PHGDH: variants seen among roughly 807,000 people sequenced by gnomAD.
PHGDH encodes D-3-phosphoglycerate dehydrogenase.
A neutral mutation model predicts 52.6 loss-of-function variants in PHGDH; 50 were observed. The observed-to-expected ratio is 0.95, with a 90% CI of 0.76 to 1.20. The LOEUF (loss-of-function observed/expected upper bound fraction) is 1.20, where lower values mean the gene tolerates loss of function less well. Ranked by LOEUF, PHGDH falls within the 50% of genes most tolerant of loss-of-function variation. PHGDH has a pLI of 0.00. For synonymous variants in PHGDH, 271 were observed against 280.5 expected, an observed-to-expected ratio of 0.97 and a Z score of 0.34; for missense variants, 630 against 684.6, an observed-to-expected ratio of 0.92 and a Z score of 0.89.
intron 11 of PHGDH, 143 bp downstream of exon 11, chr1:119,743,187 C>T (rs2101226486): frequency 2.7e-6 from 2 of 736,222 alleles, no homozygotes; most frequent in South Asian, 1.5e-5. Flanking sequence ...GGGTCTGATG[C>T]CAGTTTTCAG....
In PHGDH at chr1:119,743,899, G is replaced by A. The variant is rs1005068896; in HGVS notation, c.1461G>A (p.Glu487=). The A allele has an allele frequency of 1.5e-5, 24 of 1,613,842 alleles. No individual in the cohort carries two copies. The highest frequency in any genetic ancestry group is 6.7e-5 in the Admixed American group (4 of 60,014). ...TTCTATTTCCAGGCCTCCTGGCAGA[G>A]GCAGGCGTGCGGCTGCTGTCCTACC... is the stretch of plus-strand genomic sequence containing the variant. The part of the protein sequence containing the change: ...MLPTMIGLLA[E]AGVRLLSYQT... The change falls in exon 12 of 12, where the codon GAG becomes GAA. Residue 487 remains glutamate (E), a synonymous_variant. Coordinates refer to ENST00000641023, the MANE Select transcript of PHGDH (RefSeq NM_006623.4).
At chr1:119,735,051 T>C in intron 6 of PHGDH, 11 of 633,670 alleles carry the variant, frequency 1.7e-5, no homozygotes, top group Non-Finnish European at 2.8e-5. Context: ...CAGACCCACT[T>C]GAAACAGTAA....
intron 1 of PHGDH, chr1:119,712,586 G>T: frequency 4.2e-6 from 1 of 235,538 alleles, no homozygotes; most frequent in East Asian, 1.2e-4. Flanking sequence ...CCCCAAAGTG[G>T]CTTCTTTGCG....
intron 2 of PHGDH, among the ~76,000 whole-genome samples, chr1:119,722,888 G>A (rs773461350): frequency 6.4e-5 from 9 of 140,882 alleles, no homozygotes; most frequent in East Asian, 2.0e-4. Flanking sequence ...GTGACAGAGC[G>A]AGGCCTTGTC....
chr1:119,717,372 A>T (rs1650981705), intron 1 of PHGDH, among the ~76,000 whole-genome samples: 1 of 150,070 alleles, frequency 6.7e-6, no homozygotes, highest in Non-Finnish European at 1.5e-5. Flanking sequence ...TGTTTATGGG[A>T]TCTTTTTCCA....
intron 5 of PHGDH, chr1:119,734,293 C>T (rs1651833926): frequency 2.7e-6 from 1 of 367,224 alleles, no homozygotes; most frequent in African/African-American, 2.1e-5. Context: ...TGTGTGTGAT[C>T]ACAGCATGGA....
At chr1:119,729,743 C>T (rs1203901744) in intron 5 of PHGDH, 1 of 152,178 alleles carries the variant, frequency 6.6e-6, no homozygotes, top group East Asian at 1.9e-4. Context: ...ATGGCTGACA[C>T]CTCTCGTGCA....
intron 6 of PHGDH, 193 bp from the exon 7 acceptor site, chr1:119,735,102 C>A: frequency 1.3e-6 from 1 of 744,072 alleles, no homozygotes; most frequent in Non-Finnish European, 2.3e-6. Context: ...CTGAGTCTGG[C>A]CCAGATCCAT....
intron 3 of PHGDH, among the ~76,000 whole-genome samples, chr1:119,726,179 AGTGTGTGTGTGTGTGTGTGTGTGTGTGT>A (rs55671458): frequency 1.5e-5 from 2 of 131,172 alleles, no homozygotes; most frequent in African/African-American, 5.9e-5. Context: ...GGCTGTGAAG[AGTGTGTGTGTGTGTGTGTGTGTGTGTGT>A]GTGTGTGTGT....
At chr1:119,723,523 A>G (rs1651268140) in intron 3 of PHGDH, 82 bp downstream of exon 3, 1 of 1,100,576 alleles carries the variant, frequency 9.1e-7, no homozygotes, top group Non-Finnish European at 1.4e-6. Context: ...ACCCAGAAAA[A>G]CTTAGAAACA....
chr1:119,730,621 A>T (rs1411196938), intron 5 of PHGDH, among the ~76,000 whole-genome samples: 1 of 152,228 alleles, frequency 6.6e-6, no homozygotes, highest in African/African-American at 2.4e-5. Context: ...ATTTTTAAAC[A>T]GTTGTGTGGA....
chr1:119,740,861 C>G (rs1301768610), intron 9 of PHGDH, among the ~76,000 whole-genome samples: 2 of 152,126 alleles, frequency 1.3e-5, no homozygotes, highest in Admixed American at 6.5e-5. Context: ...CAACAGGATG[C>G]TGGATTCTGG....
intron 6 of PHGDH, 61 bp downstream of exon 6, chr1:119,734,827 C>T (rs1173052294): frequency 1.9e-6 from 3 of 1,573,618 alleles, no homozygotes; most frequent in African/African-American, 1.3e-5. Context: ...AACAAATGGG[C>T]CCTCCATCTG....
At chr1:119,727,201 G>A in intron 5 of PHGDH, 99 bp downstream of exon 5, 1 of 772,712 alleles carries the variant, frequency 1.3e-6, no homozygotes. Flanking sequence ...TTCTAGGAGG[G>A]TCTGACCCTC....
Position 119,721,254 on chromosome 1 carries a change from A to C in PHGDH, c.223A>C (p.Arg75=), listed in dbSNP as rs1177622207. 1 of 1,614,194 alleles carries C rather than the reference A, an allele frequency of 6.2e-7. No homozygotes were observed. Among genetic ancestry groups the C allele is most frequent in the Non-Finnish European group, 8.5e-7 (1 of 1,180,040 alleles). ...AGCTGAGAAACTCCAGGTGGTGGGC[A>C]GGGCTGGCACAGGTGTGGACAATGT... ...NAAEKLQVVG[R]AGTGVDNVDL... is the part of the protein sequence containing the mutation. The change falls in exon 2 of 12, where the codon AGG becomes CGG. Residue 75 remains arginine, a synonymous_variant. Coordinates refer to ENST00000641023, the MANE Select transcript of PHGDH (RefSeq NM_006623.4).
chr1:119,733,070 T>A (rs1310746050), intron 5 of PHGDH, among the ~76,000 whole-genome samples: 1 of 152,144 alleles, frequency 6.6e-6, no homozygotes, highest in African/African-American at 2.4e-5. Flanking sequence ...CCACCAGAAA[T>A]GAGTAGGTTA....
At chr1:119,737,573 C>T (rs895988762) in intron 8 of PHGDH, among the ~76,000 whole-genome samples, 1 of 152,126 alleles carries the variant, frequency 6.6e-6, no homozygotes, top group African/African-American at 2.4e-5. Flanking sequence ...CTCCACATGC[C>T]GTGGGAGTGA....
chr1:119,713,853 AGG>A (rs1365164269), intron 1 of PHGDH, among the ~76,000 whole-genome samples: 1 of 151,996 alleles, frequency 6.6e-6, no homozygotes, highest in Non-Finnish European at 1.5e-5. Flanking sequence ...TACCCCAGTG[AGG>A]GGGTGGGGAT....
chr1:119,726,898 G>A lies in PHGDH; in HGVS notation c.404G>A (p.Arg135Gln), dbSNP rs774423823. The A allele has an allele frequency of 1.2e-5, 20 of 1,614,122 alleles. 1 individual carries two copies. The highest frequency in any genetic ancestry group is 8.8e-5 in the South Asian group (8 of 91,088). The change falls in exon 4 of 12, where the codon CGG becomes CAG. Residue 135 changes from arginine to glutamine, a missense_variant. By Grantham distance (43) the Arg-to-Gln change is conservative. Transcript: ENST00000641023. ...TCGATGAAGGACGGCAAATGGGAGC[G>A]GAAGAAGGTGAGCAGCGGCCTTGAC... ...TASMKDGKWERKKFMGTELNG... is the reference protein window; with the variant it reads ...TASMKDGKWEQKKFMGTELNG...
Sources: allele counts gnomAD v4.1 joint callset (sites outside exome capture counted in the v4.1 genomes callset), GRCh38; gene constraint gnomAD v4.1.1; transcripts MANE v1.5; gene names NCBI Gene and HGNC (gene_info 2026-07-23, HGNC 2026-07-21).